The following ARRDC5 variants were observed in gnomAD, a reference collection of about 807,000 sequenced individuals.
ARRDC5 encodes the protein arrestin domain-containing protein 5.
In ARRDC5, 12 loss-of-function variants were observed where a neutral mutation model predicts 13.3. That is an observed-to-expected ratio of 0.90 (90% CI 0.58 to 1.46). The LOEUF is 1.46. Among genes scored for constraint, ARRDC5 ranks in the 40% most tolerant of loss-of-function variants. ARRDC5 has a pLI of 0.00. For synonymous variants in ARRDC5, 181 were observed against 173.4 expected (o/e 1.04, Z -0.34); for missense variants, 406 against 418.7 (o/e 0.97, Z 0.26).
rs746022315 is a variant in ARRDC5, at chr19:4,891,299, A to G, written c.734T>C (p.Val245Ala). 7.4e-6 allele frequency: 12 copies of G among 1,613,798 alleles called. No homozygotes were observed. Among genetic ancestry groups the G allele is most frequent in the Admixed American group, 1.7e-5 (1 of 59,982 alleles). The change falls in exon 3 of 3, where the codon GTG becomes GCG. Residue 245 changes from valine to alanine, a missense_variant. Coordinates refer to ENST00000650722, the MANE Select transcript of ARRDC5 (RefSeq NM_001080523.3). ...AACCTTGGTGGTGTTGAAGCGGGTC[A>G]CGGGGGTGTTGGCCTCCTGCCTCAG... ...ELLRQEANTP[V>A]TRFNTTKVVS...
upstream of ARRDC5, chr19:4,903,071 G>A: frequency 2.1e-6 from 1 of 470,868 alleles, no homozygotes; most frequent in Non-Finnish European, 3.9e-6. Context: ...CTGTAGCCCA[G>A]GCTGGAGTGC....
At chr19:4,897,854 AG>A (rs1181845346) in intron 1 of ARRDC5, among the ~76,000 whole-genome samples, 1 of 152,230 alleles carries the variant, frequency 6.6e-6, no homozygotes, top group Non-Finnish European at 1.5e-5. Context: ...TGGGAGGCCA[AG>A]GCGGGCGGAT....
At chr19:4,898,324 A>G (rs888325677) in intron 1 of ARRDC5, among the ~76,000 whole-genome samples, 2 of 151,948 alleles carry the variant, frequency 1.3e-5, no homozygotes, top group South Asian at 2.1e-4. Flanking sequence ...TCTCTGGCCC[A>G]TGGCAATCCC....
In ARRDC5 at chr19:4,890,847, CG is replaced by C. The variant is rs1234899647; in HGVS notation, c.*198del. On this transcript the variant is annotated 3_prime_UTR_variant, in exon 3 of 3. Coordinates refer to ENST00000650722, the MANE Select transcript of ARRDC5 (RefSeq NM_001080523.3). ...GGGTTTGGGTCCTGGGAGACCTTCC[CG>C]GTTTCCTTTGTCCATTCCAGGCATT... The C allele has an allele frequency of 5.3e-6, 3 of 562,450 alleles. No individual in the cohort carries two copies. The highest frequency in any genetic ancestry group is 2.3e-5 in the South Asian group (1 of 43,548). 34.8% of individuals were successfully genotyped at this position (562,450 alleles called of 1,614,324 possible).
chr19:4,913,543 C>T, the ARRDC5 span, among the ~76,000 whole-genome samples: 1 of 152,006 alleles, frequency 6.6e-6, no homozygotes, highest in Non-Finnish European at 1.5e-5. Flanking sequence ...GTGTGAACCA[C>T]TGCACCCAGC....
chr19:4,914,081 C>T, the ARRDC5 span, among the ~76,000 whole-genome samples: 2 of 152,176 alleles, frequency 1.3e-5, no homozygotes, highest in African/African-American at 4.8e-5. Flanking sequence ...CCACCTTGGC[C>T]TCCCAAAGTG....
At chr19:4,894,283 G>A (rs1218161343) in intron 2 of ARRDC5, among the ~76,000 whole-genome samples, 1 of 150,962 alleles carries the variant, frequency 6.6e-6, no homozygotes, top group African/African-American at 2.4e-5. Context: ...AGGCCGAGGC[G>A]GGCGGATCAC....
chr19:4,893,325 G>T (rs963304511), intron 2 of ARRDC5, among the ~76,000 whole-genome samples: 15 of 145,442 alleles, frequency 1.0e-4, no homozygotes, highest in Admixed American at 2.9e-4. Context: ...GGCCAGCGTG[G>T]TGAAACCCCA....
At chr19:4,896,369 C>CTT (rs1568396075) in intron 2 of ARRDC5, among the ~76,000 whole-genome samples, 4 of 102,594 alleles carry the variant, frequency 3.9e-5, no homozygotes, top group African/African-American at 1.6e-4. Context: ...TTTACACACA[C>CTT]ACACACACAC....
the ARRDC5 span, among the ~76,000 whole-genome samples, chr19:4,913,507 C>T: frequency 3.9e-5 from 6 of 151,960 alleles, no homozygotes; most frequent in Non-Finnish European, 7.4e-5. Flanking sequence ...CACCTACCTC[C>T]GTCTCCCAAA....
At position 4,890,958 on chromosome 19, in the gene ARRDC5, C is replaced by T. The variant is rs906401107; in HGVS notation, c.*88G>A. 17 of 1,177,362 alleles carry T rather than the reference C, an allele frequency of 1.4e-5. No individual in the cohort carries two copies. The highest frequency in any genetic ancestry group is 9.4e-5 in the South Asian group (6 of 63,842). The allele number at this position is 1,177,362 out of a possible 1,614,324, so 72.9% of individuals were successfully genotyped here. A position where few individuals can be genotyped will look rare whatever the true frequency, so the allele number is the denominator to read the frequency against. ...TGCAGACAACCTGTTGCCCACTCCTCGACTCCTCTGAGAGTCACCTGTGCA... is the reference window on the plus strand; with the variant it reads ...TGCAGACAACCTGTTGCCCACTCCTTGACTCCTCTGAGAGTCACCTGTGCA... On this transcript the variant is annotated 3_prime_UTR_variant, in exon 3 of 3. Transcript: ENST00000650722.
At chr19:4,909,669 C>G in the ARRDC5 span, 1 of 527,760 alleles carries the variant, frequency 1.9e-6, no homozygotes, top group East Asian at 3.5e-5. Flanking sequence ...AGCGGGCGGG[C>G]CGGGTCGGGG....
chr19:4,910,651 TTCC>T, the ARRDC5 span: 3 of 411,648 alleles, frequency 7.3e-6, no homozygotes, highest in South Asian at 1.0e-4. Flanking sequence ...TTCATTCTCC[TTCC>T]TCCTCAATCT....
the ARRDC5 span, among the ~76,000 whole-genome samples, chr19:4,915,520 C>G: frequency 6.6e-6 from 1 of 152,108 alleles, no homozygotes; most frequent in African/African-American, 2.4e-5. Context: ...TCTAGAACAG[C>G]GTGCCAACAT....
chr19:4,898,730 G>A (rs1471517431), intron 1 of ARRDC5, among the ~76,000 whole-genome samples: 6 of 145,402 alleles, frequency 4.1e-5, no homozygotes, highest in Non-Finnish European at 7.5e-5. Flanking sequence ...GGGCTCAAGT[G>A]ATCCTCTTGC....
At chr19:4,908,115 C>T in the ARRDC5 span, among the ~76,000 whole-genome samples, 1 of 152,166 alleles carries the variant, frequency 6.6e-6, no homozygotes, top group African/African-American at 2.4e-5. Flanking sequence ...GGACATTGTG[C>T]CCACCTGGAT....
the ARRDC5 span, chr19:4,910,788 G>T: frequency 6.8e-7 from 1 of 1,464,786 alleles, no homozygotes; most frequent in Admixed American, 2.2e-5. Context: ...CCACAGGCCG[G>T]ACAAAAGCAA....
the ARRDC5 span, among the ~76,000 whole-genome samples, chr19:4,912,411 C>T: frequency 6.6e-6 from 1 of 152,152 alleles, no homozygotes; most frequent in Admixed American, 6.6e-5. Flanking sequence ...AAGTTCACAG[C>T]GTAGGTCAGT....
intron 2 of ARRDC5, among the ~76,000 whole-genome samples, chr19:4,893,886 CA>C (rs35680888): frequency 0.67 from 93,781 of 139,962 alleles, 30,881 homozygotes; most frequent in African/African-American, 0.75. Flanking sequence ...ACTAAAAATA[CA>C]AAAAAAAAAA....
Sources: gnomAD v4.1 joint callset for allele counts (sites outside exome capture counted in the v4.1 genomes callset) on GRCh38, gnomAD v4.1.1 for gene constraint, MANE v1.5 for transcripts, NCBI Gene and HGNC (gene_info 2026-07-23, HGNC 2026-07-21) for gene names.